Variants in ESR1 observed in about 807,000 individuals in gnomAD.
ESR1 encodes estrogen receptor 1, also known as estrogen receptor.
Under a neutral mutation model 52.7 loss-of-function variants are expected in ESR1, and 12 were observed. That is an observed-to-expected ratio of 0.23 (90% CI 0.15 to 0.37). ESR1 has a LOEUF of 0.37. Ranked by LOEUF, ESR1 falls within the 10% of genes least tolerant of loss-of-function variation. The probability of loss-of-function intolerance (pLI) is 1.00; values close to 1 mark genes in which losing one functional copy is unlikely to be tolerated. For synonymous variants in ESR1, 305 were observed against 316.8 expected, an observed-to-expected ratio of 0.96 and a Z score of 0.39; for missense variants, 584 against 779.7, an observed-to-expected ratio of 0.75 and a Z score of 2.99.
intron 4 of ESR1, among the ~76,000 whole-genome samples, chr6:151,995,157 G>T (rs1295930869): frequency 1.3e-5 from 2 of 152,096 alleles, no homozygotes; most frequent in African/African-American, 2.4e-5. Context: ...ATGAAAAGCA[G>T]CCCCTAGGAA....
intron 6 of ESR1, among the ~76,000 whole-genome samples, chr6:152,083,623 A>C (rs60452215): frequency 1.3e-5 from 2 of 152,222 alleles, no homozygotes; most frequent in Admixed American, 6.5e-5. Context: ...ATTAAACTAA[A>C]GAGCTTCTGC....
chr6:152,023,978 T>C (rs2043912276), intron 5 of ESR1, among the ~76,000 whole-genome samples: 1 of 152,206 alleles, frequency 6.6e-6, no homozygotes, highest in Non-Finnish European at 1.5e-5. Flanking sequence ...GTCCCCAAGT[T>C]ATAATTGCAT....
intron 1 of ESR1, among the ~76,000 whole-genome samples, chr6:151,679,739 C>T (rs543332880): frequency 1.2e-4 from 19 of 152,316 alleles, no homozygotes; most frequent in Non-Finnish European, 1.8e-4. Flanking sequence ...TTGCTGGTGC[C>T]AATTTGACTG....
intron 2 of ESR1, among the ~76,000 whole-genome samples, chr6:151,795,900 G>A (rs11751047): frequency 6.6e-6 from 1 of 152,026 alleles, no homozygotes; most frequent in African/African-American, 2.4e-5. Flanking sequence ...CTGTAATCCA[G>A]CACTTTGGGA....
At chr6:151,893,392 A>G (rs897059915) in intron 3 of ESR1, among the ~76,000 whole-genome samples, 8 of 152,096 alleles carry the variant, frequency 5.3e-5, no homozygotes, top group Non-Finnish European at 1.2e-4. Flanking sequence ...GAGATAATAC[A>G]TGGTTTAGTT....
intron 1 of ESR1, among the ~76,000 whole-genome samples, chr6:151,816,540 C>G (rs183141398): frequency 3.3e-5 from 5 of 151,926 alleles, no homozygotes; most frequent in African/African-American, 7.2e-5. Flanking sequence ...AGTACTATAC[C>G]CTGAAGAAGG....
At chr6:152,056,836 A>G (rs1184303539) in intron 5 of ESR1, among the ~76,000 whole-genome samples, 1 of 152,096 alleles carries the variant, frequency 6.6e-6, no homozygotes, top group African/African-American at 2.4e-5. Flanking sequence ...CTCCTGATCT[A>G]TGACTGGAGC....
chr6:151,821,910 C>A (rs1722571124), intron 1 of ESR1, among the ~76,000 whole-genome samples: 1 of 152,054 alleles, frequency 6.6e-6, no homozygotes, highest in African/African-American at 2.4e-5. Flanking sequence ...ATAAGAATGG[C>A]AATTGATGGA....
intron 2 of ESR1, among the ~76,000 whole-genome samples, chr6:151,784,938 A>G (rs1230164209): frequency 6.6e-6 from 1 of 152,192 alleles, no homozygotes; most frequent in East Asian, 1.9e-4. Context: ...CATTCTAGGG[A>G]CATTTTTTTC....
intron 2 of ESR1, among the ~76,000 whole-genome samples, chr6:151,747,694 A>T (rs1783585638): frequency 6.6e-6 from 1 of 152,182 alleles, no homozygotes; most frequent in African/African-American, 2.4e-5. Flanking sequence ...GTCTCCATGG[A>T]ATCTAATTTT....
chr6:151,797,224 G>A (rs1465461977), intron 2 of ESR1, among the ~76,000 whole-genome samples: 1 of 152,258 alleles, frequency 6.6e-6, no homozygotes. Flanking sequence ...AATCTGGGCT[G>A]ATTGGAAAAC....
intron 2 of ESR1, among the ~76,000 whole-genome samples, chr6:151,715,881 C>G (rs1483653204): frequency 6.6e-6 from 1 of 152,128 alleles, no homozygotes; most frequent in Non-Finnish European, 1.5e-5. Flanking sequence ...CCCTTGCTGG[C>G]AAGGAGTTGT....
chr6:151,726,920 T>A (rs1167938036), intron 2 of ESR1, among the ~76,000 whole-genome samples: 1 of 152,154 alleles, frequency 6.6e-6, no homozygotes, highest in Admixed American at 6.5e-5. Flanking sequence ...ATGGTGGGCA[T>A]TCTTTTCTCA....
intron 2 of ESR1, among the ~76,000 whole-genome samples, chr6:151,721,128 T>C (rs2128018470): frequency 6.6e-6 from 1 of 152,290 alleles, no homozygotes; most frequent in East Asian, 1.9e-4. Context: ...CTTTGTCCAA[T>C]GAAGTCTTTC....
At chr6:151,933,632 A>G (rs901916548) in intron 3 of ESR1, among the ~76,000 whole-genome samples, 2 of 152,158 alleles carry the variant, frequency 1.3e-5, no homozygotes, top group African/African-American at 4.8e-5. Context: ...ACGTCCCATC[A>G]ATACCTAATT....
rs895262802 is a variant in ESR1 at position 152,100,101 on chromosome 6, G to C, written c.*1135G>C. 3 of 398,730 alleles carry C rather than the reference G, an allele frequency of 7.5e-6. No homozygotes were observed. The highest frequency in any genetic ancestry group is 2.1e-5 in the African/African-American group (1 of 48,648). 24.7% of individuals were successfully genotyped at this position (398,730 alleles called of 1,614,324 possible). A position where few individuals can be genotyped will look rare whatever the true frequency, so the allele number is the denominator to read the frequency against. ...CTTGCTCAGGGTGGCCCTGCCACAGGCTGCAGCTACCTAGGAACATTCCTT... is the reference window on the plus strand; with the variant it reads ...CTTGCTCAGGGTGGCCCTGCCACAGCCTGCAGCTACCTAGGAACATTCCTT... On this transcript the variant is annotated 3_prime_UTR_variant, in exon 8 of 8. Coordinates refer to ENST00000206249, the MANE Select transcript of ESR1 (RefSeq NM_000125.4).
intron 2 of ESR1, among the ~76,000 whole-genome samples, chr6:151,738,872 G>C (rs994534117): frequency 6.6e-5 from 10 of 152,118 alleles, no homozygotes; most frequent in Non-Finnish European, 1.5e-4. Context: ...ATATTGACTT[G>C]GGAGTTGTCC....
intron 3 of ESR1, among the ~76,000 whole-genome samples, chr6:151,889,758 A>G (rs927793612): frequency 1.3e-5 from 2 of 151,794 alleles, no homozygotes; most frequent in African/African-American, 2.4e-5. Context: ...ATTGTTTGAG[A>G]TCTTCTTCTT....
chr6:151,894,695 GT>G (rs1199428493), intron 3 of ESR1, among the ~76,000 whole-genome samples: 1 of 152,068 alleles, frequency 6.6e-6, no homozygotes, highest in Non-Finnish European at 1.5e-5. Context: ...GCAGTTGGCT[GT>G]AAGTATTTGG....
Sources: gnomAD v4.1 joint callset for allele counts (sites outside exome capture counted in the v4.1 genomes callset) on GRCh38, gnomAD v4.1.1 for gene constraint, MANE v1.5 for transcripts, NCBI Gene and HGNC (gene_info 2026-07-23, HGNC 2026-07-21) for gene names.